RPS6KA2: variants seen among roughly 807,000 people sequenced by gnomAD.
The protein encoded by RPS6KA2 is ribosomal protein S6 kinase alpha-2.
RPS6KA2 carries 42 observed loss-of-function variants against 91.8 expected under a neutral mutation model. That is an observed-to-expected ratio of 0.46 (90% CI 0.36 to 0.59). The LOEUF (loss-of-function observed/expected upper bound fraction) is 0.59, where lower values mean the gene tolerates loss of function less well. Ranked by LOEUF, RPS6KA2 falls within the 20% of genes least tolerant of loss-of-function variation. The probability of loss-of-function intolerance (pLI) is 0.00; values close to 1 mark genes in which losing one functional copy is unlikely to be tolerated. For synonymous variants in RPS6KA2, 414 were observed against 393.6 expected (o/e 1.05, Z -0.61); for missense variants, 798 against 978.5 (o/e 0.82, Z 2.46).
chr6:166,462,829 G>A (rs887720029), intron 11 of RPS6KA2, among the ~76,000 whole-genome samples: 1 of 152,268 alleles, frequency 6.6e-6, no homozygotes, highest in Non-Finnish European at 1.5e-5. Context: ...GGAGGCATGC[G>A]TGTGAGAGTG....
At chr6:166,569,344 G>A (rs73257249) in intron 1 of RPS6KA2, among the ~76,000 whole-genome samples, 2,132 of 152,320 alleles carry the variant, frequency 0.014, 45 homozygotes, top group African/African-American at 0.048. Context: ...TGAGGTTAGC[G>A]CTGTTCCTGC....
intron 2 of RPS6KA2, among the ~76,000 whole-genome samples, chr6:166,685,212 G>A (rs1788971103): frequency 6.7e-6 from 1 of 148,186 alleles, no homozygotes; most frequent in African/African-American, 2.5e-5. Flanking sequence ...GGACCCTGAT[G>A]GAGTGTGGAG....
At position 166,648,099 on chromosome 6, in the gene RPS6KA2, T is replaced by C. The variant is rs865865076; in HGVS notation, c.124-109315A>G. 1.9e-5 allele frequency among the ~76,000 whole-genome samples: 2 copies of C among 106,174 alleles called. No homozygotes were observed. The highest frequency in any genetic ancestry group is 3.5e-5 in the African/African-American group (1 of 28,622). The allele number at this position is 106,174 out of a possible 152,430, so 69.7% of individuals were successfully genotyped here. On this transcript the variant is annotated intron_variant, in intron 2 of 21. Transcript: ENST00000503859. This position sits in a 1 kb window ranked among gnomAD's most constrained non-coding sequence, Gnocchi z 4.8. ...GCACATGGTCATACACACACGCTCA[T>C]ACACACACGTGCACACACACGCTCA...
chr6:166,751,348 TC>T (rs890437518), intron 2 of RPS6KA2, among the ~76,000 whole-genome samples: 2 of 152,156 alleles, frequency 1.3e-5, no homozygotes, highest in African/African-American at 4.8e-5. Flanking sequence ...GCTGCCAGGG[TC>T]CCGTCAAACG....
At chr6:166,548,730 T>G (rs1783905009) in intron 1 of RPS6KA2, among the ~76,000 whole-genome samples, 1 of 152,184 alleles carries the variant, frequency 6.6e-6, no homozygotes, top group Admixed American at 6.5e-5. Context: ...ACTACAAAAC[T>G]TCTAGAAGAA....
intron 2 of RPS6KA2, among the ~76,000 whole-genome samples, chr6:166,842,035 C>T (rs1780494532): frequency 6.6e-6 from 1 of 152,148 alleles, no homozygotes; most frequent in Non-Finnish European, 1.5e-5. Context: ...GGCCTCTACA[C>T]ACCTCCAGCG....
intron 2 of RPS6KA2, among the ~76,000 whole-genome samples, chr6:166,649,432 CT>C (rs1307328501): frequency 6.6e-6 from 1 of 152,196 alleles, no homozygotes; most frequent in Admixed American, 6.5e-5. Context: ...GTCATCCTCC[CT>C]GTTAAATCCC....
chr6:166,757,789 T>C (rs1361782562), intron 2 of RPS6KA2: 11 of 311,694 alleles, frequency 3.5e-5, no homozygotes. Flanking sequence ...AGGCACCAGC[T>C]GTGAGTTGAA....
At chr6:166,796,298 T>C (rs1358301513) in intron 2 of RPS6KA2, among the ~76,000 whole-genome samples, 2 of 152,152 alleles carry the variant, frequency 1.3e-5, no homozygotes. Context: ...CCCCTAAAAA[T>C]CTGGCTTGTC....
At chr6:166,625,171 G>A (rs1007752831) in intron 1 of RPS6KA2, among the ~76,000 whole-genome samples, 7 of 152,098 alleles carry the variant, frequency 4.6e-5, no homozygotes, top group East Asian at 3.9e-4. Flanking sequence ...CACCTAGTAC[G>A]GGATCTGGCA....
intron 2 of RPS6KA2, among the ~76,000 whole-genome samples, chr6:166,734,432 A>G (rs1239459785): frequency 6.6e-6 from 1 of 152,154 alleles, no homozygotes; most frequent in East Asian, 1.9e-4. Context: ...AGGTGCTAGG[A>G]AATAAACGTA....
chr6:166,705,758 GT>G (rs1426659423), intron 2 of RPS6KA2, among the ~76,000 whole-genome samples: 1 of 152,190 alleles, frequency 6.6e-6, no homozygotes. Flanking sequence ...GTTCAGTGAT[GT>G]TGATGGATTT....
intron 8 of RPS6KA2, among the ~76,000 whole-genome samples, chr6:166,497,619 C>G (rs945834254): frequency 3.9e-5 from 6 of 152,236 alleles, no homozygotes; most frequent in African/African-American, 1.4e-4. Flanking sequence ...ACCAGCGAGG[C>G]CCTGGGCACC....
At position 166,459,689 on chromosome 6, in the gene RPS6KA2, G is replaced by A. The variant is rs553193241; in HGVS notation, c.973-138C>T. ...TGCATTGGCCTTGTGGATTACAAGG[G>A]ATTTCTAAATACTCTGAAATATAGA... On this transcript the variant is annotated intron_variant, in intron 11 of 20. Transcript: ENST00000265678. This position sits in a 1 kb window ranked among gnomAD's most constrained non-coding sequence, Gnocchi z 4.9. 1 of 608,028 alleles carries A rather than the reference G, an allele frequency of 1.6e-6. No homozygotes were observed. Among genetic ancestry groups the A allele is most frequent in the African/African-American group, 1.8e-5 (1 of 54,198 alleles). The allele number at this position is 608,028 out of a possible 1,614,324, so 37.7% of individuals were successfully genotyped here.
At chr6:166,638,279 G>A (rs1378709628) in intron 2 of RPS6KA2, among the ~76,000 whole-genome samples, 9 of 152,234 alleles carry the variant, frequency 5.9e-5, no homozygotes, top group East Asian at 1.9e-4. Context: ...AGCACAGCCC[G>A]AAAGCCAGCC....
At chr6:166,488,588 A>G (rs1376378592) in intron 10 of RPS6KA2, among the ~76,000 whole-genome samples, 1 of 152,254 alleles carries the variant, frequency 6.6e-6, no homozygotes, top group African/African-American at 2.4e-5. Context: ...GGGTAAAACC[A>G]GTGGCTTTTA....
chr6:166,829,161 A>T (rs1354286718), intron 2 of RPS6KA2, among the ~76,000 whole-genome samples: 5 of 152,232 alleles, frequency 3.3e-5, no homozygotes, highest in African/African-American at 1.2e-4. Context: ...CCATTGGTAT[A>T]GCTGCTATCA....
chr6:166,561,688 C>A (rs549624846), intron 1 of RPS6KA2, among the ~76,000 whole-genome samples: 1 of 152,106 alleles, frequency 6.6e-6, no homozygotes, highest in Admixed American at 6.5e-5. Context: ...TGTACCCTGC[C>A]CCAAAGCCTT....
chr6:166,545,525 G>A (rs988189490), intron 1 of RPS6KA2, among the ~76,000 whole-genome samples: 3 of 152,200 alleles, frequency 2.0e-5, no homozygotes, highest in Admixed American at 2.0e-4. Flanking sequence ...ACTATGGGAA[G>A]AAAGGAGGAG....
Sources: allele counts gnomAD v4.1 joint callset (sites outside exome capture counted in the v4.1 genomes callset), GRCh38; gene constraint gnomAD v4.1.1; non-coding constraint Gnocchi (gnomAD v3.1); transcripts MANE v1.5; gene names NCBI Gene and HGNC (gene_info 2026-07-23, HGNC 2026-07-21).